Variants in PEX7 observed in about 807,000 individuals in gnomAD.
The protein encoded by PEX7 is peroxisomal biogenesis factor 7.
A neutral mutation model predicts 47.5 loss-of-function variants in PEX7; 34 were observed. That is an observed-to-expected ratio of 0.72 (90% CI 0.54 to 0.95). PEX7 has a LOEUF of 0.95. Ranked by LOEUF, PEX7 falls within the 40% of genes least tolerant of loss-of-function variation. The pLI is 0.00. For missense variants in PEX7, 394 were observed against 400.3 expected (o/e 0.98, Z 0.13); for synonymous variants, 141 against 148.8 (o/e 0.95, Z 0.38).
intron 3 of PEX7, among the ~76,000 whole-genome samples, chr6:136,832,000 C>T (rs1774302358): frequency 6.6e-6 from 1 of 152,248 alleles, no homozygotes; most frequent in African/African-American, 2.4e-5. Context: ...CTCCAGTAGG[C>T]AGTGCCCCAG....
At chr6:136,873,034 C>T (rs1775209528) in intron 8 of PEX7, among the ~76,000 whole-genome samples, 1 of 152,120 alleles carries the variant, frequency 6.6e-6, no homozygotes, top group Admixed American at 6.6e-5. Flanking sequence ...ATGTTATTCA[C>T]TTGAAACATG....
chr6:136,828,722 C>T (rs1032578549), intron 3 of PEX7, among the ~76,000 whole-genome samples: 2 of 152,172 alleles, frequency 1.3e-5, no homozygotes, highest in African/African-American at 4.8e-5. Flanking sequence ...TGATGAAGGG[C>T]TAAGCTTTAT....
At chr6:136,905,800 A>G (rs1191089357) in intron 9 of PEX7, among the ~76,000 whole-genome samples, 1 of 152,152 alleles carries the variant, frequency 6.6e-6, no homozygotes, top group African/African-American at 2.4e-5. Flanking sequence ...GTGAGATCTG[A>G]GTAGATGTCA....
chr6:136,846,581 A>G (rs1350282961), intron 5 of PEX7, among the ~76,000 whole-genome samples: 1 of 151,896 alleles, frequency 6.6e-6, no homozygotes, highest in Non-Finnish European at 1.5e-5. Context: ...CCTATGAGTG[A>G]GAACATGCGG....
chr6:136,842,257 A>G (rs1279359256), intron 3 of PEX7, among the ~76,000 whole-genome samples: 20 of 152,302 alleles, frequency 1.3e-4, no homozygotes, highest in Non-Finnish European at 2.9e-5. Flanking sequence ...GGCCTCCCAA[A>G]GTGCTGGGAT....
At chr6:136,907,485 G>T (rs1288727876) in intron 9 of PEX7, among the ~76,000 whole-genome samples, 3 of 148,676 alleles carry the variant, frequency 2.0e-5, no homozygotes, top group Non-Finnish European at 4.4e-5. Context: ...AGTTAACTGT[G>T]ATTTTTTTTT....
At position 136,822,680 on chromosome 6, in the gene PEX7, C is replaced by T; in HGVS notation, c.15C>T (p.Cys5=). ...CGGCGGGCGGGATGAGTGCGGTGTG[C>T]GGTGGAGCGGCGCGGATGCTGCGGA... The part of the protein sequence containing the change: MSAV[C]GGAARMLRTP... The change falls in exon 1 of 10, where the codon TGC becomes TGT. Residue 5 remains cysteine (C), a synonymous_variant. Transcript: ENST00000318471. The T allele has an allele frequency of 2.0e-6, 3 of 1,522,430 alleles. No individual in the cohort carries two copies. Among genetic ancestry groups the T allele is most frequent in the East Asian group, 2.5e-5 (1 of 39,546 alleles). The allele number at this position is 1,522,430 out of a possible 1,614,324, so 94.3% of individuals were successfully genotyped here. A position where few individuals can be genotyped will look rare whatever the true frequency, so the allele number is the denominator to read the frequency against.
At chr6:136,837,363 A>C (rs1360834672) in intron 3 of PEX7, among the ~76,000 whole-genome samples, 1 of 149,422 alleles carries the variant, frequency 6.7e-6, no homozygotes, top group Non-Finnish European at 1.5e-5. Flanking sequence ...GTCTGTCACA[A>C]AAAAAAAAAA....
At chr6:136,825,812 C>T (rs550587537) in intron 2 of PEX7, among the ~76,000 whole-genome samples, 33 of 152,152 alleles carry the variant, frequency 2.2e-4, no homozygotes, top group African/African-American at 4.8e-5. Flanking sequence ...GTATTATATG[C>T]GTGAGCCACT....
At chr6:136,850,487 T>C (rs1774723276) in intron 5 of PEX7, among the ~76,000 whole-genome samples, 2 of 152,236 alleles carry the variant, frequency 1.3e-5, no homozygotes, top group African/African-American at 4.8e-5. Context: ...GTTTTTGCAG[T>C]GGCTGGTACC....
intron 3 of PEX7, among the ~76,000 whole-genome samples, chr6:136,843,507 G>T (rs1052935664): frequency 6.6e-6 from 1 of 152,086 alleles, no homozygotes; most frequent in Admixed American, 6.6e-5. Context: ...TATAAGAGCT[G>T]GGTTTAGTAG....
At chr6:136,855,609 G>A (rs1490558541) in intron 5 of PEX7, 1 of 198,834 alleles carries the variant, frequency 5.0e-6, no homozygotes, top group African/African-American at 2.4e-5. Flanking sequence ...CAAAGTGCTG[G>A]GAGTATAGGC....
At chr6:136,836,219 A>T (rs1774381744) in intron 3 of PEX7, among the ~76,000 whole-genome samples, 1 of 109,934 alleles carries the variant, frequency 9.1e-6, no homozygotes, top group Non-Finnish European at 2.0e-5. Flanking sequence ...TATATGTAAA[A>T]TTTGTTTTAC....
intron 9 of PEX7, among the ~76,000 whole-genome samples, chr6:136,905,324 A>G (rs934007992): frequency 1.3e-5 from 2 of 152,134 alleles, no homozygotes; most frequent in Admixed American, 1.3e-4. Context: ...TCTGTTTTCA[A>G]AGCTCTATGG....
At chr6:136,850,927 T>G (rs1774732667) in intron 5 of PEX7, among the ~76,000 whole-genome samples, 1 of 148,694 alleles carries the variant, frequency 6.7e-6, no homozygotes, top group African/African-American at 2.5e-5. Context: ...GTTTTTTTTT[T>G]TTTTTTTTTT....
intron 1 of PEX7, chr6:136,823,149 G>C (rs868674931): frequency 2.0e-6 from 2 of 985,274 alleles, no homozygotes; most frequent in South Asian, 4.7e-5. Flanking sequence ...GGATCGGTCC[G>C]CTCGGCACAG....
chr6:136,850,606 G>C (rs1036261631), intron 5 of PEX7, among the ~76,000 whole-genome samples: 2 of 152,138 alleles, frequency 1.3e-5, no homozygotes, highest in Non-Finnish European at 2.9e-5. Context: ...ATAATTCCTA[G>C]ATTTCTGGCA....
intron 1 of PEX7, among the ~76,000 whole-genome samples, chr6:136,823,782 C>T (rs9385775): frequency 0.5 from 76,393 of 151,780 alleles, 20,305 homozygotes; most frequent in Admixed American, 0.61. Flanking sequence ...CCCAGCTACT[C>T]GGGAGGCTGA....
intron 3 of PEX7, among the ~76,000 whole-genome samples, chr6:136,831,402 A>C (rs942807261): frequency 6.6e-6 from 1 of 152,210 alleles, no homozygotes; most frequent in Admixed American, 6.5e-5. Context: ...CCCTGGACAC[A>C]TGGGGATTAC....
Sources: allele counts gnomAD v4.1 joint callset (sites outside exome capture counted in the v4.1 genomes callset), GRCh38; gene constraint gnomAD v4.1.1; transcripts MANE v1.5; gene names NCBI Gene and HGNC (gene_info 2026-07-23, HGNC 2026-07-21).